ITGAX: variants seen among roughly 807,000 people sequenced by gnomAD.
ITGAX encodes the protein integrin subunit alpha X.
ITGAX carries 99 observed loss-of-function variants against 140.2 expected under a neutral mutation model. The ratio of observed to expected loss-of-function variants is 0.71; its 90% CI spans 0.60 to 0.83. ITGAX has a LOEUF of 0.83. Among genes scored for constraint, ITGAX ranks in the 40% least tolerant of loss-of-function variants. The pLI is 0.00. For synonymous variants in ITGAX, 631 were observed against 600.4 expected (o/e 1.05, Z -0.75); for missense variants, 1,444 against 1,482.0 (o/e 0.97, Z 0.42).
intron 14 of ITGAX, among the ~76,000 whole-genome samples, chr16:31,370,521 C>T (rs2080944404): frequency 6.6e-6 from 1 of 152,120 alleles, no homozygotes; most frequent in Non-Finnish European, 1.5e-5. Context: ...GGTGTTAGGT[C>T]TGCAGTCAGC....
At chr16:31,376,019 T>C (rs1418208414) in intron 20 of ITGAX, among the ~76,000 whole-genome samples, 1 of 152,230 alleles carries the variant, frequency 6.6e-6, no homozygotes, top group African/African-American at 2.4e-5. Context: ...TGGTTACATT[T>C]AAAATACCCT....
intron 2 of ITGAX, chr16:31,356,199 C>T (rs565528349): frequency 9.1e-5 from 48 of 527,994 alleles, no homozygotes; most frequent in African/African-American, 8.6e-4. Context: ...GTGCCAGGCT[C>T]ATCACAGGTG....
chr16:31,369,459 G>C (rs1394653573), intron 14 of ITGAX, among the ~76,000 whole-genome samples: 1 of 152,226 alleles, frequency 6.6e-6, no homozygotes, highest in Non-Finnish European at 1.5e-5. Flanking sequence ...ATGCTCCAGA[G>C]AAATTTCATG....
intron 17 of ITGAX, among the ~76,000 whole-genome samples, chr16:31,372,000 C>T (rs945024667): frequency 2.6e-5 from 4 of 152,176 alleles, no homozygotes; most frequent in African/African-American, 9.7e-5. Flanking sequence ...GATTGGATTT[C>T]AGGAAAGAGA....
rs762995636 is a variant in ITGAX, at chr16:31,363,345, G to T, written c.1681G>T (p.Gly561Ter). Residue 561 changes from glycine to a stop codon, truncating the protein, a stop_gained, in exon 14 of 30, where the codon GGA becomes TGA. Transcript: ENST00000268296. LOFTEE classifies it high-confidence loss of function. ...GAVYLFHGVLGPSISPSHSQR... is the reference protein window; with the variant it reads ...GAVYLFHGVL ...TGTCTACCTGTTTCACGGAGTCTTG[G>T]GACCCAGCATCAGCCCCTCCCACAG... is the stretch of plus-strand genomic sequence containing the variant. The T allele has an allele frequency of 6.2e-7, 1 of 1,613,994 alleles. No individual in the cohort carries two copies. Among genetic ancestry groups the T allele is most frequent in the Non-Finnish European group, 8.5e-7 (1 of 1,179,924 alleles).
chr16:31,372,700 C>G, intron 19 of ITGAX, 30 bp downstream of exon 19: 1 of 1,592,094 alleles, frequency 6.3e-7, no homozygotes, highest in Non-Finnish European at 8.6e-7. Context: ...ACCTGCCCTA[C>G]TGCCCCAGCC....
rs757211471 is a variant in ITGAX at position 31,371,784 on chromosome 16, G to T, written c.2160G>T (p.Pro720=). 6.2e-7 allele frequency: 1 copy of T among 1,613,642 alleles called. No individual in the cohort carries two copies. The highest frequency in any genetic ancestry group is 8.5e-7 in the Non-Finnish European group (1 of 1,179,920). Residue 720 remains proline (P), a splice_region_variant and synonymous_variant, in exon 17 of 30, where the codon CCG becomes CCT. Coordinates refer to ENST00000268296, the MANE Select transcript of ITGAX (RefSeq NM_000887.5). Reference sequence around the variant, plus strand: ...GTGAAAACTTCAACCTGCTGCTCCCGGTGCGTCTGGGCATGAACGTGGGTG... The same window carrying T: ...GTGAAAACTTCAACCTGCTGCTCCCTGTGCGTCTGGGCATGAACGTGGGTG... The part of the protein sequence containing the change: ...AHCENFNLLL[P]SCVEDSVTPI...
In ITGAX at chr16:31,380,289, G is replaced by C. The variant is rs2081056414; in HGVS notation, c.3084G>C (p.Leu1028=). The change falls in exon 27 of 30, where the codon CTG becomes CTC. Residue 1028 remains leucine (L), a synonymous_variant. Coordinates refer to ENST00000268296, the MANE Select transcript of ITGAX (RefSeq NM_000887.5). ...AGGACTGCTCCATTGCTGGCTGCCT[G>C]CGGTTCCGCTGTGACGTCCCCTCCT... ...PVLDCSIAGC[L]RFRCDVPSFS... 1 of 1,614,200 alleles carries C rather than the reference G, an allele frequency of 6.2e-7. No individual in the cohort carries two copies. Among genetic ancestry groups the C allele is most frequent in the African/African-American group, 1.3e-5 (1 of 75,066 alleles).
At chr16:31,372,165 T>TGGGG (rs59381287) in intron 17 of ITGAX, among the ~76,000 whole-genome samples, 2 of 120,346 alleles carry the variant, frequency 1.7e-5, no homozygotes, top group African/African-American at 3.0e-5. Flanking sequence ...TCGGGAGGTC[T>TGGGG]GGGGGGGGGG....
At chr16:31,374,834 C>A (rs565059541) in intron 20 of ITGAX, among the ~76,000 whole-genome samples, 1 of 152,196 alleles carries the variant, frequency 6.6e-6, no homozygotes, top group Admixed American at 6.5e-5. Flanking sequence ...ACCCAATGTT[C>A]GTGTGTTGGA....
At position 31,382,246 on chromosome 16, in the gene ITGAX, T is replaced by TTTG; in HGVS notation, c.*341_*342insGTT. ...TTCCTTTCTTTTTTTTTTTTTTTCT[T>TTTG]TTCTTTTTTTTTTTTTTGAGACGGA... On this transcript the variant is annotated 3_prime_UTR_variant, in exon 30 of 30. Transcript: ENST00000268296. 2 of 1,116,758 alleles carry TTTG rather than the reference T, an allele frequency of 1.8e-6. No individual in the cohort carries two copies. The highest frequency in any genetic ancestry group is 2.3e-6 in the Non-Finnish European group (2 of 878,906). The allele number at this position is 1,116,758 out of a possible 1,614,324, so 69.2% of individuals were successfully genotyped here.
chr16:31,360,133 C>T, intron 7 of ITGAX, 68 bp downstream of exon 7: 5 of 1,587,102 alleles, frequency 3.2e-6, no homozygotes, highest in Non-Finnish European at 4.3e-6. Flanking sequence ...TCATCTGTCT[C>T]CACGAGAAGG....
At chr16:31,376,361 C>T (rs2081018963) in intron 20 of ITGAX, among the ~76,000 whole-genome samples, 1 of 152,192 alleles carries the variant, frequency 6.6e-6, no homozygotes, top group African/African-American at 2.4e-5. Context: ...TGGCTCATAC[C>T]TGTAATCCTA....
Position 31,380,076 on chromosome 16 carries a change from C to A in ITGAX, c.3060+11C>A. ...AAGAATCCCGTGCTGGTGAGGAGGGCTCTGGGCTGGCCCTCACTGTAGGCC... is the reference window on the plus strand; with the variant it reads ...AAGAATCCCGTGCTGGTGAGGAGGGATCTGGGCTGGCCCTCACTGTAGGCC... On this transcript the variant is annotated intron_variant, in intron 26 of 29. Coordinates refer to ENST00000268296, the MANE Select transcript of ITGAX (RefSeq NM_000887.5). 1 of 1,613,164 alleles carries A rather than the reference C, an allele frequency of 6.2e-7. No individual in the cohort carries two copies. Among genetic ancestry groups the A allele is most frequent in the Non-Finnish European group, 8.5e-7 (1 of 1,179,180 alleles).
Position 31,362,744 on chromosome 16 carries a change from G to A in ITGAX, c.1350G>A (p.Thr450=), listed in dbSNP as rs577520206. 61 of 1,613,850 alleles carry A rather than the reference G, an allele frequency of 3.8e-5. No homozygotes were observed. In the South Asian group the frequency reaches 3.8e-4, roughly 10 times the overall value. ...AATGGAGGATGAAGGCCGAAGTCAC[G>A]GGGACTCAGGTTGGGCGTGACAGGA... is the stretch of plus-strand genomic sequence containing the variant. The part of the protein sequence containing the change: ...SRQWRMKAEV[T]GTQIGSYFGA... Residue 450 remains threonine, a synonymous_variant, in exon 12 of 30, where the codon ACG becomes ACA. Transcript: ENST00000268296.
In ITGAX at chr16:31,361,160, A is replaced by G. The variant is rs2080820416; in HGVS notation, c.959A>G (p.Asp320Gly). Residue 320 changes from aspartate (D) to glycine (G), a missense_variant, in exon 9 of 30, where the codon GAT (aspartate) becomes GGT (glycine). Coordinates refer to ENST00000268296, the MANE Select transcript of ITGAX (RefSeq NM_000887.5). ...QEHIFKVEDF[D>G]ALKDIQNQLK... Reference sequence around the variant, plus strand: ...CACATATTTAAAGTGGAGGACTTTGATGCTCTGAAAGATATTCAAAACCAA... The same window carrying G: ...CACATATTTAAAGTGGAGGACTTTGGTGCTCTGAAAGATATTCAAAACCAA... 6 of 1,613,924 alleles carry G rather than the reference A, an allele frequency of 3.7e-6. No individual in the cohort carries two copies. Among genetic ancestry groups the G allele is most frequent in the South Asian group, 2.2e-5 (2 of 91,016 alleles).
chr16:31,375,664 C>T (rs1489593225), intron 20 of ITGAX, among the ~76,000 whole-genome samples: 1 of 152,202 alleles, frequency 6.6e-6, no homozygotes, highest in African/African-American at 2.4e-5. Flanking sequence ...TACTTCTGGT[C>T]TATTTGAACG....
At chr16:31,381,564 G>T (rs2081068980) in intron 29 of ITGAX, among the ~76,000 whole-genome samples, 1 of 152,132 alleles carries the variant, frequency 6.6e-6, no homozygotes. Context: ...GCATGGTGGA[G>T]GTTGCAGTGA....
rs1239363072 is a variant in ITGAX at position 31,355,962 on chromosome 16, G to A, written c.107G>A (p.Gly36Glu). The change falls in exon 2 of 30, where the codon GGG becomes GAG. Residue 36 changes from glycine (G) to glutamate (E), a missense_variant. Physicochemically the swap from Gly to Glu is moderately conservative, Grantham distance 98 (BLOSUM62 -2). Coordinates refer to ENST00000268296, the MANE Select transcript of ITGAX (RefSeq NM_000887.5). ...ACAGCCTTCCGTGTGGACAGCGCTG[G>A]GTTTGGAGACAGCGTGGTCCAGTAT... is the stretch of plus-strand genomic sequence containing the variant. Reference protein sequence around the residue: ...ELTAFRVDSAGFGDSVVQYAN... With the variant: ...ELTAFRVDSAEFGDSVVQYAN... 1 of 1,613,710 alleles carries A rather than the reference G, an allele frequency of 6.2e-7. No homozygotes were observed. The highest frequency in any genetic ancestry group is 2.2e-5 in the East Asian group (1 of 44,842).
Sources: allele counts gnomAD v4.1 joint callset (sites outside exome capture counted in the v4.1 genomes callset), GRCh38; gene constraint gnomAD v4.1.1; transcripts MANE v1.5; gene names NCBI Gene and HGNC (gene_info 2026-07-23, HGNC 2026-07-21).